LINGO2: variants seen among roughly 807,000 people sequenced by gnomAD.
The protein encoded by LINGO2 is leucine-rich repeat and immunoglobulin-like domain-containing nogo receptor-interacting protein 2.
LINGO2 carries 14 observed loss-of-function variants against 30.6 expected under a neutral mutation model. The ratio of observed to expected loss-of-function variants is 0.46; its 90% CI spans 0.30 to 0.72. The LOEUF (loss-of-function observed/expected upper bound fraction) is 0.72. Among genes scored for constraint, LINGO2 ranks in the 30% least tolerant of loss-of-function variants. LINGO2 has a pLI of 0.07. For synonymous variants in LINGO2, 317 were observed against 288.5 expected, an observed-to-expected ratio of 1.10 and a Z score of -1.00; for missense variants, 729 against 751.7, an observed-to-expected ratio of 0.97 and a Z score of 0.35.
chr9:28,664,107 G>A (rs540925612), intron 1 of LINGO2, among the ~76,000 whole-genome samples: 1 of 151,994 alleles, frequency 6.6e-6, no homozygotes, highest in South Asian at 2.1e-4. Flanking sequence ...GATTTGGGAT[G>A]GTATTATAAG....
At chr9:28,604,953 A>G (rs1825638803) in intron 1 of LINGO2, among the ~76,000 whole-genome samples, 1 of 152,000 alleles carries the variant, frequency 6.6e-6, no homozygotes. Context: ...TTTGCATTTT[A>G]TATACCAGAG....
chr9:28,942,884 T>G, the LINGO2 span, among the ~76,000 whole-genome samples: 1 of 152,142 alleles, frequency 6.6e-6, no homozygotes, highest in African/African-American at 2.4e-5. Flanking sequence ...GTTGAGTTGG[T>G]GACTAAAATG....
At chr9:29,143,783 A>T in the LINGO2 span, among the ~76,000 whole-genome samples, 1 of 152,060 alleles carries the variant, frequency 6.6e-6, no homozygotes, top group Non-Finnish European at 1.5e-5. Context: ...ATTAGATCCC[A>T]TTTATCAGTT....
At chr9:27,987,895 G>A (rs1182088026) in intron 5 of LINGO2, among the ~76,000 whole-genome samples, 1 of 152,002 alleles carries the variant, frequency 6.6e-6, no homozygotes, top group African/African-American at 2.4e-5. Flanking sequence ...GGGTACATGT[G>A]CACAATGTGC....
intron 4 of LINGO2, among the ~76,000 whole-genome samples, chr9:28,204,200 G>A (rs1820333600): frequency 6.6e-6 from 1 of 152,092 alleles, no homozygotes; most frequent in African/African-American, 2.4e-5. Flanking sequence ...ATCTGTGTCT[G>A]TATCTACTTG....
At chr9:28,996,290 T>G in the LINGO2 span, among the ~76,000 whole-genome samples, 1 of 152,168 alleles carries the variant, frequency 6.6e-6, no homozygotes, top group African/African-American at 2.4e-5. Context: ...ACTGAATGCA[T>G]AACATATTGT....
the LINGO2 span, among the ~76,000 whole-genome samples, chr9:29,033,279 T>TA: frequency 6.6e-6 from 1 of 151,882 alleles, no homozygotes; most frequent in Non-Finnish European, 1.5e-5. Flanking sequence ...GTCTCACCTA[T>TA]TGTTATTCCT....
At chr9:28,868,099 C>T in the LINGO2 span, among the ~76,000 whole-genome samples, 1 of 152,062 alleles carries the variant, frequency 6.6e-6, no homozygotes, top group Middle Eastern at 3.4e-3. Context: ...TATAGGTGAT[C>T]CCTAGAGGCT....
intron 1 of LINGO2, among the ~76,000 whole-genome samples, chr9:28,556,527 C>A (rs1822707501): frequency 6.6e-6 from 1 of 152,074 alleles, no homozygotes; most frequent in Non-Finnish European, 1.5e-5. Flanking sequence ...ATATTCCATG[C>A]TCATGGGTAG....
chr9:28,221,053 A>C (rs1365582943), intron 4 of LINGO2, among the ~76,000 whole-genome samples: 2 of 152,174 alleles, frequency 1.3e-5, no homozygotes, highest in African/African-American at 4.8e-5. Context: ...TAATCCCAGC[A>C]CTTTGGGAGG....
the LINGO2 span, among the ~76,000 whole-genome samples, chr9:29,132,606 C>G: frequency 2.6e-5 from 4 of 152,098 alleles, no homozygotes; most frequent in Non-Finnish European, 5.9e-5. Context: ...CTGGAGCCTT[C>G]CCCCACTCTG....
At chr9:29,194,818 T>A in the LINGO2 span, among the ~76,000 whole-genome samples, 1 of 152,198 alleles carries the variant, frequency 6.6e-6, no homozygotes, top group Non-Finnish European at 1.5e-5. Flanking sequence ...TAATACAATA[T>A]CACTACCAGG....
At chr9:28,658,261 T>C (rs1402195606) in intron 1 of LINGO2, among the ~76,000 whole-genome samples, 1 of 152,072 alleles carries the variant, frequency 6.6e-6, no homozygotes, top group Non-Finnish European at 1.5e-5. Flanking sequence ...TTAAGTCACA[T>C]TGGTGTATAC....
the LINGO2 span, among the ~76,000 whole-genome samples, chr9:29,034,242 G>A: frequency 3.3e-5 from 5 of 151,842 alleles, no homozygotes; most frequent in Non-Finnish European, 7.4e-5. Flanking sequence ...TAACATCTTT[G>A]TAAACACGTA....
the LINGO2 span, among the ~76,000 whole-genome samples, chr9:28,828,752 T>C: frequency 6.6e-6 from 1 of 152,126 alleles, no homozygotes; most frequent in Non-Finnish European, 1.5e-5. Flanking sequence ...GGTCTGAAAA[T>C]CATGCCAAAT....
chr9:28,013,141 G>C (rs1196176385), intron 4 of LINGO2, among the ~76,000 whole-genome samples: 1 of 152,150 alleles, frequency 6.6e-6, no homozygotes, highest in Non-Finnish European at 1.5e-5. Flanking sequence ...TCTGAGCACT[G>C]GGTCTCTAGT....
chr9:28,413,105 A>G (rs1030008812), intron 2 of LINGO2, among the ~76,000 whole-genome samples: 2 of 152,140 alleles, frequency 1.3e-5, no homozygotes, highest in Non-Finnish European at 2.9e-5. Context: ...CATACAGAAT[A>G]TGTGTTAATC....
At chr9:29,136,451 A>T in the LINGO2 span, among the ~76,000 whole-genome samples, 1 of 152,142 alleles carries the variant, frequency 6.6e-6, no homozygotes, top group South Asian at 2.1e-4. Context: ...CTCAGAAATT[A>T]TTTTCTCCAA....
At chr9:28,505,770 T>G (rs1820085492) in intron 1 of LINGO2, among the ~76,000 whole-genome samples, 1 of 151,914 alleles carries the variant, frequency 6.6e-6, no homozygotes, top group African/African-American at 2.4e-5. Context: ...ATCAGTCTAA[T>G]TTTCATATGC....
Sources: gnomAD v4.1 joint callset for allele counts (sites outside exome capture counted in the v4.1 genomes callset) on GRCh38, gnomAD v4.1.1 for gene constraint, MANE v1.5 for transcripts, NCBI Gene and HGNC (gene_info 2026-07-23, HGNC 2026-07-21) for gene names.